Variants in BTBD3 observed in about 807,000 individuals in gnomAD.
The protein encoded by BTBD3 is BTB/POZ domain-containing protein 3.
A neutral mutation model predicts 41.6 loss-of-function variants in BTBD3; 14 were observed. The observed-to-expected ratio is 0.34, with a 90% confidence interval of 0.22 to 0.53. The LOEUF is 0.53. Among genes scored for constraint, BTBD3 ranks in the 20% least tolerant of loss-of-function variants. The probability of loss-of-function intolerance (pLI) is 0.95; values close to 1 mark genes in which losing one functional copy is unlikely to be tolerated. For missense variants in BTBD3, 426 were observed against 654.7 expected (o/e 0.65, Z 3.81); for synonymous variants, 249 against 233.7 (o/e 1.07, Z -0.60).
intron 1 of BTBD3, among the ~76,000 whole-genome samples, chr20:11,897,629 G>A (rs568360134): frequency 3.3e-5 from 5 of 151,644 alleles, no homozygotes; most frequent in Non-Finnish European, 7.4e-5. Context: ...TTTCCCATCC[G>A]TACTACCAGC....
Position 11,922,651 on chromosome 20 carries a change from A to G in BTBD3, c.554A>G (p.Glu185Gly). ...TTTTACAGATATATCTATTGTGATG[A>G]AATTGACTTGGCTGCTGACACAGTG... ...LAMLKYIYCDEIDLAADTVLA... is the reference protein window; with the variant it reads ...LAMLKYIYCDGIDLAADTVLA... The change falls in exon 4 of 4, where the codon GAA becomes GGA. Residue 185 changes from glutamate (E) to glycine (G), a missense_variant. Physicochemically the swap from Glu to Gly is moderately conservative, Grantham distance 98 (BLOSUM62 -2). This residue lies in a region of BTBD3 where 321 missense variants were observed against 534.8 expected (regional missense o/e 0.60). Transcript: ENST00000378226. 6.2e-7 allele frequency: 1 copy of G among 1,613,342 alleles called. No individual in the cohort carries two copies. The highest frequency in any genetic ancestry group is 8.5e-7 in the Non-Finnish European group (1 of 1,179,536).
chr20:11,921,079 G>A (rs2056966579), intron 3 of BTBD3, among the ~76,000 whole-genome samples: 1 of 152,198 alleles, frequency 6.6e-6, no homozygotes, highest in Admixed American at 6.5e-5. Flanking sequence ...TTACCTGCAA[G>A]TATCCCCACT....
At chr20:11,893,733 A>G (rs1055733905) in intron 1 of BTBD3, among the ~76,000 whole-genome samples, 59 of 152,354 alleles carry the variant, frequency 3.9e-4, no homozygotes, top group Non-Finnish European at 6.6e-4. Flanking sequence ...AATCACTGAA[A>G]AAAATTAAGA....
rs187755766 is a variant in BTBD3 at position 11,891,063 on chromosome 20, A to G, written c.-126+109A>G. ...GCGGCCGGCCGGAGGGGCCGAGCGA[A>G]GCGAGGAGAGGCCGGGCTGGTGGCC... is the stretch of plus-strand genomic sequence containing the variant. On this transcript the variant is annotated intron_variant, in intron 1 of 4. Coordinates refer to the BTBD3 transcript ENST00000254977. The G allele has an allele frequency of 4.5e-3, 3,401 of 757,854 alleles. 106 individuals carry two copies. In the African/African-American group the frequency reaches 0.06, roughly 13 times the overall value. The allele number at this position is 757,854 out of a possible 1,614,324, so 46.9% of individuals were successfully genotyped here. A position where few individuals can be genotyped will look rare whatever the true frequency, so the allele number is the denominator to read the frequency against.
Position 11,922,631 on chromosome 20 carries a change from C to T in BTBD3, c.537-3C>T, listed in dbSNP as rs747407766. 2.5e-6 allele frequency: 4 copies of T among 1,599,160 alleles called. No individual in the cohort carries two copies. In the African/African-American group the frequency reaches 5.4e-5, roughly 21 times the overall value. On this transcript the variant is annotated splice_polypyrimidine_tract_variant and splice_region_variant and intron_variant, in intron 3 of 3. Coordinates refer to ENST00000378226, the MANE Select transcript of BTBD3 (RefSeq NM_014962.4). ...CCACTTACATGTTATGTGCTTTTTA[C>T]AGATATATCTATTGTGATGAAATTG...
At chr20:11,899,305 C>T (rs1194601167) in intron 1 of BTBD3, among the ~76,000 whole-genome samples, 1 of 152,134 alleles carries the variant, frequency 6.6e-6, no homozygotes, top group Non-Finnish European at 1.5e-5. Context: ...TTCTGTTTTC[C>T]AGACAAGAGA....
intron 1 of BTBD3, chr20:11,892,387 C>A (rs1376780491): frequency 6.6e-6 from 1 of 152,226 alleles, no homozygotes. Flanking sequence ...CTTCCTCCCC[C>A]ACAGGTTACT....
At chr20:11,902,967 C>T (rs534764534) in intron 1 of BTBD3, among the ~76,000 whole-genome samples, 2 of 152,026 alleles carry the variant, frequency 1.3e-5, no homozygotes, top group South Asian at 4.2e-4. Flanking sequence ...ACACAAATCT[C>T]CAACTAATTT....
chr20:11,892,572 T>C (rs917895950), intron 1 of BTBD3: 3 of 152,244 alleles, frequency 2.0e-5, no homozygotes, highest in Admixed American at 1.3e-4. Flanking sequence ...AGTTCCAAGA[T>C]GTTCTTTCTG....
intron 1 of BTBD3, among the ~76,000 whole-genome samples, chr20:11,905,452 A>G (rs958506456): frequency 6.6e-6 from 1 of 152,228 alleles, no homozygotes; most frequent in African/African-American, 2.4e-5. Flanking sequence ...CTGAAGTTTA[A>G]TAAAATCAAT....
intron 1 of BTBD3, chr20:11,909,317 G>GGT (rs2056875774): frequency 6.7e-6 from 1 of 150,062 alleles, no homozygotes; most frequent in Admixed American, 6.6e-5. Context: ...CTTTTAATTT[G>GGT]GTTCTAGAAG....
intron 1 of BTBD3, among the ~76,000 whole-genome samples, chr20:11,897,749 A>T (rs1415754790): frequency 2.0e-5 from 3 of 152,096 alleles, no homozygotes; most frequent in African/African-American, 7.2e-5. Flanking sequence ...TTGATTTTCC[A>T]TCTGCTTAAC....
chr20:11,894,570 A>G (rs2056775117), intron 1 of BTBD3, among the ~76,000 whole-genome samples: 1 of 151,542 alleles, frequency 6.6e-6, no homozygotes, highest in South Asian at 2.1e-4. Flanking sequence ...CCTACTTTAA[A>G]GTGGTGATTT....
At chr20:11,905,210 A>G (rs571467913) in intron 1 of BTBD3, among the ~76,000 whole-genome samples, 13 of 152,260 alleles carry the variant, frequency 8.5e-5, no homozygotes, top group South Asian at 2.1e-4. Flanking sequence ...CACTTCATTC[A>G]TTTTTGAGAA....
intron 1 of BTBD3, chr20:11,892,441 CA>C (rs1429704240): frequency 6.6e-6 from 1 of 152,070 alleles, no homozygotes; most frequent in African/African-American, 2.4e-5. Context: ...ACGAGTCCTC[CA>C]GGGGAAGTGG....
intron 1 of BTBD3, among the ~76,000 whole-genome samples, chr20:11,899,227 G>A (rs532065604): frequency 4.6e-4 from 70 of 152,142 alleles, no homozygotes; most frequent in African/African-American, 1.6e-3. Flanking sequence ...AATCCTCAGA[G>A]CCACTTGGAT....
At chr20:11,898,487 C>G (rs1444177461) in intron 1 of BTBD3, among the ~76,000 whole-genome samples, 1 of 152,226 alleles carries the variant, frequency 6.6e-6, no homozygotes, top group Non-Finnish European at 1.5e-5. Flanking sequence ...TTTTCCGTTG[C>G]ATCTGTTACC....
chr20:11,894,145 A>G (rs1419047486), intron 1 of BTBD3, among the ~76,000 whole-genome samples: 3 of 152,242 alleles, frequency 2.0e-5, no homozygotes, highest in East Asian at 1.9e-4. Context: ...CCTGCACCAT[A>G]GAGTTTTGGT....
chr20:11,891,442 C>T (rs1183751174), intron 1 of BTBD3: 1 of 151,802 alleles, frequency 6.6e-6, no homozygotes, highest in African/African-American at 2.4e-5. Flanking sequence ...AGCAAACTTC[C>T]CCTAAGTAAC....
Sources: gnomAD v4.1 joint callset for allele counts (sites outside exome capture counted in the v4.1 genomes callset) on GRCh38, gnomAD v4.1.1 for gene constraint, gnomAD v4.1.1 regional missense constraint, MANE v1.5 for transcripts, NCBI Gene and HGNC (gene_info 2026-07-23, HGNC 2026-07-21) for gene names.